Variants in DACT3 observed in about 807,000 individuals in gnomAD.
DACT3 encodes dishevelled binding antagonist of beta catenin 3, also known as dapper homolog 3.
In DACT3, 5 loss-of-function variants were observed where a neutral mutation model predicts 19.6. That is an observed-to-expected ratio of 0.26 (90% confidence interval 0.13 to 0.54). The LOEUF is 0.54. DACT3 is among the 20% of genes least tolerant of loss of function. DACT3 has a pLI of 0.95. For synonymous variants in DACT3, 454 were observed against 428.1 expected, an observed-to-expected ratio of 1.06 and a Z score of -0.75; for missense variants, 908 against 927.4, an observed-to-expected ratio of 0.98 and a Z score of 0.27.
intron 1 of DACT3, chr19:46,653,991 A>T (rs1364682893): frequency 2.0e-6 from 2 of 985,236 alleles, no homozygotes; most frequent in Non-Finnish European, 2.4e-6. Flanking sequence ...TAGGCTGACC[A>T]CGACTCATAA....
Position 46,648,031 on chromosome 19 carries a change from G to C in DACT3, c.*451C>G, listed in dbSNP as rs1004045984. Reference sequence around the variant, plus strand: ...GATATCTTAAGGGTCCAGGGACATGGAGGGGGCACTTTGTGAATGAGAGGG... The same window carrying C: ...GATATCTTAAGGGTCCAGGGACATGCAGGGGGCACTTTGTGAATGAGAGGG... On this transcript the variant is annotated 3_prime_UTR_variant, in exon 4 of 4. Transcript: ENST00000391916. This position sits in a 1 kb window ranked among gnomAD's most constrained non-coding sequence, Gnocchi z 5.1. 5.5e-6 allele frequency: 1 copy of C among 182,262 alleles called. No individual in the cohort carries two copies. The highest frequency in any genetic ancestry group is 5.4e-5 in the Admixed American group (1 of 18,512). 11.3% of individuals were successfully genotyped at this position (182,262 alleles called of 1,614,324 possible).
chr19:46,656,552 G>A (rs909370820), intron 1 of DACT3, among the ~76,000 whole-genome samples: 1 of 152,056 alleles, frequency 6.6e-6, no homozygotes, highest in African/African-American at 2.4e-5. Flanking sequence ...GTCTCCCTGT[G>A]TTGCATAGGC....
At position 46,660,702 on chromosome 19, in the gene DACT3, T is replaced by G; in HGVS notation, c.249+114A>C. ...GGGTCGCCAGCCCCACCCCCTGTCC[T>G]TTCTCACTCCCTGCCTACCCGGGTC... is the stretch of plus-strand genomic sequence containing the variant. On this transcript the variant is annotated intron_variant, in intron 1 of 3. Coordinates refer to ENST00000391916, the MANE Select transcript of DACT3 (RefSeq NM_145056.3). This position sits in a 1 kb window ranked among gnomAD's most constrained non-coding sequence, Gnocchi z 4.9. The G allele has an allele frequency of 7.2e-7, 1 of 1,392,610 alleles. No homozygotes were observed. Among genetic ancestry groups the G allele is most frequent in the Non-Finnish European group, 9.3e-7 (1 of 1,079,352 alleles). The allele number at this position is 1,392,610 out of a possible 1,614,324, so 86.3% of individuals were successfully genotyped here. A position where few individuals can be genotyped will look rare whatever the true frequency, so the allele number is the denominator to read the frequency against.
At chr19:46,654,256 G>T (rs2053014789) in intron 1 of DACT3, 1 of 963,818 alleles carries the variant, frequency 1.0e-6, no homozygotes, top group African/African-American at 1.8e-5. Context: ...GGAGGCCGAG[G>T]CGGGCGGATC....
At chr19:46,657,317 G>A (rs2053039826) in intron 1 of DACT3, among the ~76,000 whole-genome samples, 1 of 150,614 alleles carries the variant, frequency 6.6e-6, no homozygotes, top group Non-Finnish European at 1.5e-5. Context: ...ACCATCTCCT[G>A]GAGGTTATTG....
In DACT3 at chr19:46,652,641, C is replaced by A. The variant is rs910485700; in HGVS notation, c.499+19G>T. 6.5e-7 allele frequency: 1 copy of A among 1,549,076 alleles called. No individual in the cohort carries two copies. Among genetic ancestry groups the A allele is most frequent in the African/African-American group, 1.4e-5 (1 of 73,020 alleles). On this transcript the variant is annotated intron_variant, in intron 3 of 3. Transcript: ENST00000391916. The stretch of plus-strand genomic sequence containing the variant: ...CTGTCCTTTCCCTGGCCCCAGGGCC[C>A]CACCCTCACCCACCTTACCTAGGGA...
Position 46,648,591 on chromosome 19 carries a change from G to C in DACT3, c.1781C>G (p.Ala594Gly), listed in dbSNP as rs2052941302. The stretch of plus-strand genomic sequence containing the variant: ...GAAGACTTTGGCGGGGCCTGCGGGC[G>C]CCCCTGCACCTGCTCCACCCCCAGA... Reference protein sequence around the residue: ...AASGGGAGAGAPAGPAKVFVK... With the variant: ...AASGGGAGAGGPAGPAKVFVK... Residue 594 changes from alanine (A) to glycine (G), a missense_variant, in exon 4 of 4, where the codon GCG becomes GGG. Transcript: ENST00000391916. The surrounding 1 kb of genome is among the most constrained non-coding windows in gnomAD (Gnocchi z 5.1). 1 of 1,613,384 alleles carries C rather than the reference G, an allele frequency of 6.2e-7. No individual in the cohort carries two copies. The highest frequency in any genetic ancestry group is 1.7e-5 in the Admixed American group (1 of 60,002).
In DACT3 at chr19:46,649,088, G is replaced by T; in HGVS notation, c.1284C>A (p.Thr428=). The change falls in exon 4 of 4, where the codon ACC becomes ACA. Residue 428 remains threonine, a synonymous_variant. Transcript: ENST00000391916. ...ARKASRSQSE[T]SLLGRASAVP... ...CCGCGGAGGCGCGGCCCAGCAGGCTGGTCTCAGACTGGGAGCGCGAGGCCT... is the reference window on the plus strand; with the variant it reads ...CCGCGGAGGCGCGGCCCAGCAGGCTTGTCTCAGACTGGGAGCGCGAGGCCT... 7.7e-7 allele frequency: 1 copy of T among 1,298,650 alleles called. No individual in the cohort carries two copies. The highest frequency in any genetic ancestry group is 2.1e-5 in the South Asian group (1 of 47,636). 80.4% of individuals were successfully genotyped at this position (1,298,650 alleles called of 1,614,324 possible).
intron 3 of DACT3, chr19:46,650,125 CT>C: frequency 2.7e-5 from 4 of 150,878 alleles, no homozygotes; most frequent in Admixed American, 1.0e-4. Flanking sequence ...ATCTTACCCC[CT>C]ATTTTTTTTT....
In DACT3 at chr19:46,648,965, G is replaced by A; in HGVS notation, c.1407C>T (p.Ala469=). Residue 469 remains alanine (A), a synonymous_variant, in exon 4 of 4, where the codon GCC becomes GCT. Coordinates refer to ENST00000391916, the MANE Select transcript of DACT3 (RefSeq NM_145056.3). This position sits in a 1 kb window ranked among gnomAD's most constrained non-coding sequence, Gnocchi z 5.1. ...RGPAPTLAAQ[A]AGSCRRWRST... ...AGCGCCAGCGACGGCAGGACCCTGC[G>A]GCCTGGGCCGCCAGCGTGGGCGCTG... The A allele has an allele frequency of 7.7e-7, 1 of 1,296,906 alleles. No homozygotes were observed. The highest frequency in any genetic ancestry group is 9.8e-7 in the Non-Finnish European group (1 of 1,025,632). 80.3% of individuals were successfully genotyped at this position (1,296,906 alleles called of 1,614,324 possible).
At chr19:46,653,531 T>TTTTTTC (rs2053006355) in intron 1 of DACT3, among the ~76,000 whole-genome samples, 1 of 90,414 alleles carries the variant, frequency 1.1e-5, no homozygotes, top group African/African-American at 4.7e-5. Flanking sequence ...AAGTTTTTCT[T>TTTTTTC]TTTTTATTTT....
chr19:46,659,533 AGGGGGT>A, intron 1 of DACT3: 2 of 791,000 alleles, frequency 2.5e-6, no homozygotes, highest in Non-Finnish European at 3.0e-6. Context: ...TAACTTTGGG[AGGGGGT>A]GGGGCCTCCC....
At chr19:46,659,937 A>T (rs1330245690) in intron 1 of DACT3, among the ~76,000 whole-genome samples, 2 of 152,186 alleles carry the variant, frequency 1.3e-5, no homozygotes, top group Non-Finnish European at 2.9e-5. Flanking sequence ...GAGAGACAGG[A>T]TGAAGAAAGA....
chr19:46,649,674 C>T lies in DACT3; in HGVS notation c.698G>A (p.Gly233Asp). The change falls in exon 4 of 4, where the codon GGC (glycine) becomes GAC (aspartate). Residue 233 changes from glycine to aspartate, a missense_variant. Transcript: ENST00000391916. The stretch of plus-strand genomic sequence containing the variant: ...GTCGGGCGAGTCGGTGGGAGGGCGG[C>T]CGCAGGGCCGCGGGCTGCGCATCGC... Reference protein sequence around the residue: ...AVAMRSPRPCGRPPTDSPDAG... With the variant: ...AVAMRSPRPCDRPPTDSPDAG... 1 of 1,173,772 alleles carries T rather than the reference C, an allele frequency of 8.5e-7. No homozygotes were observed. The highest frequency in any genetic ancestry group is 3.5e-4 in the Middle Eastern group (1 of 2,884). 72.7% of individuals were successfully genotyped at this position (1,173,772 alleles called of 1,614,324 possible). A position where few individuals can be genotyped will look rare whatever the true frequency, so the allele number is the denominator to read the frequency against.
chr19:46,650,830 T>C (rs1027044843), intron 3 of DACT3: 1 of 152,056 alleles, frequency 6.6e-6, no homozygotes, highest in Admixed American at 6.6e-5. Context: ...ATGCCCGGAA[T>C]GCTCTTCCTT....
At chr19:46,653,926 G>A (rs1042007896) in intron 1 of DACT3, 48 of 958,354 alleles carry the variant, frequency 5.0e-5, no homozygotes, top group Non-Finnish European at 6.0e-5. Flanking sequence ...CCTTTTGTGA[G>A]TCTTCCTTAA....
In DACT3 at chr19:46,648,943, G is replaced by T. The variant is rs767969446; in HGVS notation, c.1429C>A (p.Arg477Ser). ...AQAAGSCRRW[R>S]STAEIDAADG... ...GCAGCGTCGATCTCCGCAGTGGAGC[G>T]CCAGCGACGGCAGGACCCTGCGGCC... Residue 477 changes from arginine (R) to serine (S), a missense_variant, in exon 4 of 4, where the codon CGC becomes AGC. By Grantham distance (110) the Arg-to-Ser change is moderately radical. Coordinates refer to ENST00000391916, the MANE Select transcript of DACT3 (RefSeq NM_145056.3). The surrounding 1 kb of genome is among the most constrained non-coding windows in gnomAD (Gnocchi z 5.1). 9.0e-6 allele frequency: 12 copies of T among 1,339,150 alleles called. No individual in the cohort carries two copies. The South Asian group carries it at 2.0e-4, about 23-fold the overall frequency. The allele number at this position is 1,339,150 out of a possible 1,614,324, so 83.0% of individuals were successfully genotyped here.
At chr19:46,653,846 G>A (rs1039194580) in intron 1 of DACT3, among the ~76,000 whole-genome samples, 6 of 152,106 alleles carry the variant, frequency 3.9e-5, no homozygotes, top group Non-Finnish European at 8.8e-5. Context: ...GAGCCACTGC[G>A]CCCAGCCTCT....
Position 46,648,725 on chromosome 19 carries a change from T to G in DACT3, c.1647A>C (p.Glu549Asp). Residue 549 changes from glutamate (E) to aspartate (D), a missense_variant, in exon 4 of 4, where the codon GAA becomes GAC. Glu to Asp is a conservative substitution (Grantham distance 45, BLOSUM62 2). This residue lies in a region of DACT3 where 656 missense variants were observed against 601.8 expected (regional missense o/e 1.09). Transcript: ENST00000391916. This position sits in a 1 kb window ranked among gnomAD's most constrained non-coding sequence, Gnocchi z 5.1. ...GGVGGGYGES[E>D]SSASEGESPA... ...GCGATTCTCCCTCGCTGGCGCTCGA[T>G]TCGCTCTCCCCGTAACCCCCGCCGA... 1 of 1,603,484 alleles carries G rather than the reference T, an allele frequency of 6.2e-7. No homozygotes were observed. Among genetic ancestry groups the G allele is most frequent in the Non-Finnish European group, 8.5e-7 (1 of 1,178,120 alleles).
Sources: gnomAD v4.1 joint callset for allele counts (sites outside exome capture counted in the v4.1 genomes callset) on GRCh38, gnomAD v4.1.1 for gene constraint, gnomAD v4.1.1 regional missense constraint, Gnocchi (gnomAD v3.1) non-coding constraint, MANE v1.5 for transcripts, NCBI Gene and HGNC (gene_info 2026-07-23, HGNC 2026-07-21) for gene names.